The following LIN28B variants were observed in gnomAD, a reference collection of about 807,000 sequenced individuals.
LIN28B encodes the protein lin-28 RNA binding posttranscriptional regulator B.
A neutral mutation model predicts 21.9 loss-of-function variants in LIN28B; 5 were observed. That is an observed-to-expected ratio of 0.23 (90% CI 0.12 to 0.48). The LOEUF (loss-of-function observed/expected upper bound fraction) is 0.48. LIN28B is among the 20% of genes least tolerant of loss of function. The probability of loss-of-function intolerance (pLI) is 0.98; values close to 1 mark genes in which losing one functional copy is unlikely to be tolerated. For synonymous variants in LIN28B, 109 were observed against 111.3 expected (o/e 0.98, Z 0.13); for missense variants, 245 against 310.5 (o/e 0.79, Z 1.58).
At chr6:104,956,346 T>C (rs1299138792), upstream of LIN28B, among the ~76,000 whole-genome samples, 1 of 152,140 alleles carries the variant, frequency 6.6e-6, no homozygotes, top group African/African-American at 2.4e-5. Flanking sequence ...AAGTCATTAA[T>C]CACATCTCCT....
chr6:105,061,271 GA>G (rs1236054177), intron 3 of LIN28B, among the ~76,000 whole-genome samples: 2 of 152,066 alleles, frequency 1.3e-5, no homozygotes, highest in Non-Finnish European at 2.9e-5. Flanking sequence ...CATACAGGAA[GA>G]AATGCATGGC....
At chr6:105,063,635 C>CG (rs762449779) in intron 3 of LIN28B, among the ~76,000 whole-genome samples, 324 of 98,072 alleles carry the variant, frequency 3.3e-3, no homozygotes, top group Middle Eastern at 0.022. Flanking sequence ...GACTCCATCT[C>CG]GGGGGGGGGG....
At chr6:104,976,933 C>T (rs190624160) in intron 2 of LIN28B, among the ~76,000 whole-genome samples, 6 of 152,310 alleles carry the variant, frequency 3.9e-5, no homozygotes, top group Admixed American at 1.3e-4. Flanking sequence ...AGTATTCACT[C>T]TCTCAGAAGT....
intron 3 of LIN28B, among the ~76,000 whole-genome samples, chr6:105,031,606 T>C (rs1488337151): frequency 6.6e-6 from 1 of 151,644 alleles, no homozygotes; most frequent in African/African-American, 2.4e-5. Flanking sequence ...CAGTCTTGGC[T>C]CACTGCAAGC....
intron 3 of LIN28B, among the ~76,000 whole-genome samples, chr6:105,036,775 A>G (rs1771530091): frequency 6.6e-6 from 1 of 152,234 alleles, no homozygotes. Flanking sequence ...AACTCTAATA[A>G]TAGTTCAAGT....
At chr6:105,025,890 TTAA>T (rs1403185090) in intron 2 of LIN28B, among the ~76,000 whole-genome samples, 2 of 152,124 alleles carry the variant, frequency 1.3e-5, no homozygotes, top group African/African-American at 2.4e-5. Flanking sequence ...TCTTAATGGC[TTAA>T]TAATGTTATA....
chr6:105,006,255 G>A (rs541942843), intron 2 of LIN28B, among the ~76,000 whole-genome samples: 11 of 151,968 alleles, frequency 7.2e-5, no homozygotes, highest in Non-Finnish European at 1.5e-4. Context: ...TTCACTTTTC[G>A]GTTCCAATTT....
At chr6:105,058,367 G>A (rs221626) in intron 3 of LIN28B, among the ~76,000 whole-genome samples, 126,637 of 152,134 alleles carry the variant, frequency 0.83, 52,816 homozygotes, top group Non-Finnish European at 0.86. Flanking sequence ...TCTGAGTATA[G>A]TTTTGGGCAG....
intron 3 of LIN28B, among the ~76,000 whole-genome samples, chr6:105,037,815 G>A (rs1186616659): frequency 6.6e-6 from 1 of 151,730 alleles, no homozygotes; most frequent in African/African-American, 2.4e-5. Flanking sequence ...CCGGCCAAGA[G>A]TTACAACTTG....
chr6:104,972,151 T>C (rs911907359), intron 2 of LIN28B, among the ~76,000 whole-genome samples: 3 of 152,120 alleles, frequency 2.0e-5, no homozygotes, highest in African/African-American at 7.2e-5. Flanking sequence ...TTGTATTTTT[T>C]AGTAGAGACG....
rs1176424160 is a variant in LIN28B at position 105,080,847 on chromosome 6, TCAAAC to T, written c.*2069_*2073del. The T allele has an allele frequency of 1.3e-5, 2 of 152,608 alleles. No individual in the cohort carries two copies. The highest frequency in any genetic ancestry group is 4.8e-5 in the African/African-American group (2 of 41,448). 9.5% of individuals were successfully genotyped at this position (152,608 alleles called of 1,614,324 possible). The stretch of plus-strand genomic sequence containing the variant: ...ATGATAGATAAGTCACTTTGAAAAT[TCAAAC>T]CAAAGTTCCTTCACCTTATGGAAAT... On this transcript the variant is annotated 3_prime_UTR_variant, in exon 4 of 4. Transcript: ENST00000345080.
intron 3 of LIN28B, among the ~76,000 whole-genome samples, chr6:105,035,452 A>T (rs221615): frequency 1.3e-5 from 2 of 151,894 alleles, no homozygotes; most frequent in African/African-American, 4.8e-5. Flanking sequence ...TCTGACCTAT[A>T]ACCCCTATTC....
chr6:105,063,648 G>GA lies in LIN28B; in HGVS notation c.384-14759dup, dbSNP rs1230150037. Among the ~76,000 whole-genome samples, 672 of 133,276 alleles carry GA rather than the reference G, an allele frequency of 5.0e-3. 23 individuals carry two copies. Among genetic ancestry groups the GA allele is most frequent in the East Asian group, 0.017 (76 of 4,452 alleles). 87.4% of individuals were successfully genotyped at this position (133,276 alleles called of 152,430 possible). A position where few individuals can be genotyped will look rare whatever the true frequency, so the allele number is the denominator to read the frequency against. On this transcript the variant is annotated intron_variant, in intron 3 of 3. Transcript: ENST00000345080. Reference sequence around the variant, plus strand: ...AAGACTCCATCTCGGGGGGGGGGGGGAAAAAAAGGTAAAGTAAAGGATAAT... The same window carrying GA: ...AAGACTCCATCTCGGGGGGGGGGGGGAAAAAAAAGGTAAAGTAAAGGATAAT...
At chr6:105,059,998 G>A (rs1335607365) in intron 3 of LIN28B, among the ~76,000 whole-genome samples, 2 of 151,702 alleles carry the variant, frequency 1.3e-5, no homozygotes, top group African/African-American at 4.8e-5. Flanking sequence ...CCGCCTCCCA[G>A]GTTCAAGCGA....
intron 2 of LIN28B, among the ~76,000 whole-genome samples, chr6:105,000,807 A>G (rs1770703938): frequency 6.6e-6 from 1 of 152,180 alleles, no homozygotes; most frequent in African/African-American, 2.4e-5. Flanking sequence ...AACAACCCTA[A>G]TTCAGAATTA....
intron 3 of LIN28B, among the ~76,000 whole-genome samples, chr6:105,053,655 G>A (rs1771957911): frequency 6.7e-6 from 1 of 149,418 alleles, no homozygotes; most frequent in South Asian, 2.1e-4. Flanking sequence ...TCCTTTGTCT[G>A]ACAGTGATAT....
At chr6:104,995,815 A>G (rs1282429538) in intron 2 of LIN28B, among the ~76,000 whole-genome samples, 1 of 152,122 alleles carries the variant, frequency 6.6e-6, no homozygotes, top group Non-Finnish European at 1.5e-5. Flanking sequence ...TAAAAACATG[A>G]TGAACTAAAT....
chr6:104,992,662 C>T (rs1178191955), intron 2 of LIN28B, among the ~76,000 whole-genome samples: 2 of 152,004 alleles, frequency 1.3e-5, no homozygotes, highest in Non-Finnish European at 2.9e-5. Context: ...TGTGCCACCA[C>T]ATCTGGATAA....
intron 3 of LIN28B, among the ~76,000 whole-genome samples, chr6:105,045,096 T>TA (rs1282331021): frequency 6.6e-6 from 1 of 152,114 alleles, no homozygotes; most frequent in African/African-American, 2.4e-5. Flanking sequence ...AAGAAGCAGG[T>TA]AACTAATCAC....
Sources: gnomAD v4.1 joint callset for allele counts (sites outside exome capture counted in the v4.1 genomes callset) on GRCh38, gnomAD v4.1.1 for gene constraint, MANE v1.5 for transcripts, NCBI Gene and HGNC (gene_info 2026-07-23, HGNC 2026-07-21) for gene names.